The following SEC62 variants were observed in gnomAD, a reference collection of about 807,000 sequenced individuals.
The protein encoded by SEC62 is SEC62 preprotein translocation factor, also known as translocation protein SEC62.
SEC62 carries 10 observed loss-of-function variants against 47.5 expected under a neutral mutation model. The ratio of observed to expected loss-of-function variants is 0.21; its 90% CI spans 0.13 to 0.36. The LOEUF (loss-of-function observed/expected upper bound fraction) is 0.36. SEC62 is among the 10% of genes least tolerant of loss of function. SEC62 has a pLI of 1.00. For missense variants in SEC62, 327 were observed against 464.1 expected (o/e 0.70, Z 2.71); for synonymous variants, 136 against 150.5 (o/e 0.90, Z 0.71).
rs184140140 is a variant in SEC62, at chr3:169,978,075, C to T, written c.251+1024C>T. Among the ~76,000 whole-genome samples, 128 of 152,186 alleles carry T rather than the reference C, an allele frequency of 8.4e-4. 2 individuals are homozygous for T. Among genetic ancestry groups the T allele is most frequent in the Admixed American group, 6.1e-3 (93 of 15,302 alleles). On this transcript the variant is annotated intron_variant, in intron 3 of 7. Transcript: ENST00000337002. Reference sequence around the variant, plus strand: ...CAGGTGGATCACAAGGTCAGGAGATCGAGACCATTCTGGCTAACAAGGTGA... The same window carrying T: ...CAGGTGGATCACAAGGTCAGGAGATTGAGACCATTCTGGCTAACAAGGTGA...
At chr3:169,969,902 C>T (rs1439463626) in intron 1 of SEC62, among the ~76,000 whole-genome samples, 1 of 152,158 alleles carries the variant, frequency 6.6e-6, no homozygotes, top group Non-Finnish European at 1.5e-5. Context: ...TTATAACCCT[C>T]CATTAGTTAT....
At chr3:169,980,673 C>T (rs759264437) in intron 3 of SEC62, among the ~76,000 whole-genome samples, 1 of 152,018 alleles carries the variant, frequency 6.6e-6, no homozygotes, top group African/African-American at 2.4e-5. Context: ...ATCATTTTTT[C>T]CACTAAAGTA....
intron 5 of SEC62, chr3:169,983,875 G>A (rs1334660562): frequency 6.6e-6 from 1 of 152,172 alleles, no homozygotes. Context: ...GAGCAGAATA[G>A]GAGATAGCTA....
chr3:169,988,393 A>T, intron 7 of SEC62, 34 bp downstream of exon 7: 2 of 1,611,294 alleles, frequency 1.2e-6, no homozygotes, highest in Non-Finnish European at 1.7e-6. Flanking sequence ...GACCTCAAGA[A>T]GGTTGGTATT....
intron 1 of SEC62, among the ~76,000 whole-genome samples, chr3:169,970,858 C>G (rs1173723694): frequency 1.3e-5 from 2 of 152,110 alleles, no homozygotes; most frequent in Non-Finnish European, 2.9e-5. Flanking sequence ...TGTTAGAAGT[C>G]TTCTAGGAAA....
chr3:169,980,534 C>G (rs1315980329), intron 3 of SEC62, among the ~76,000 whole-genome samples: 1 of 152,150 alleles, frequency 6.6e-6, no homozygotes, highest in Non-Finnish European at 1.5e-5. Flanking sequence ...TGGGGGTGGG[C>G]AGCTGTGCAG....
chr3:169,983,197 AAG>A lies in SEC62; in HGVS notation c.495_496del (p.Lys167IlefsTer4). On this transcript the variant is annotated frameshift_variant, in exon 5 of 8. Transcript: ENST00000337002. LOFTEE classifies it high-confidence loss of function. Reference protein sequence around the residue: ...TPGTPKKKETKKKFKLEPHDD... With the variant: ...TPGTPKKKETXKKFKLEPHDD... ...AGGAACTCCTAAAAAGAAGGAAACT[AAG>A]AAAAAATTCAAACTTGAGCCACATG... 1 of 1,612,674 alleles carries A rather than the reference AAG, an allele frequency of 6.2e-7. No individual in the cohort carries two copies. The highest frequency in any genetic ancestry group is 8.5e-7 in the Non-Finnish European group (1 of 1,179,138).
Position 169,994,298 on chromosome 3 carries a change from AGT to A in SEC62, c.*1236_*1237del, listed in dbSNP as rs1160321557. ...ACTTATGAGCATAATCATTCCTTGG[AGT>A]TATACTAACTAATAATGAATATTAA... On this transcript the variant is annotated 3_prime_UTR_variant, in exon 8 of 8. Coordinates refer to ENST00000337002, the MANE Select transcript of SEC62 (RefSeq NM_003262.4). The A allele has an allele frequency of 6.6e-6, 1 of 152,636 alleles. No homozygotes were observed. Among genetic ancestry groups the A allele is most frequent in the African/African-American group, 2.4e-5 (1 of 41,450 alleles). 9.5% of individuals were successfully genotyped at this position (152,636 alleles called of 1,614,324 possible). A position where few individuals can be genotyped will look rare whatever the true frequency, so the allele number is the denominator to read the frequency against.
intron 6 of SEC62, 62 bp from the exon 7 acceptor site, chr3:169,988,178 A>T: frequency 6.4e-7 from 1 of 1,568,912 alleles, no homozygotes; most frequent in Non-Finnish European, 8.8e-7. Context: ...TGTTTCTGTT[A>T]GTGCAGCCAT....
At chr3:169,973,697 T>C (rs1267342040) in intron 1 of SEC62, among the ~76,000 whole-genome samples, 3 of 152,018 alleles carry the variant, frequency 2.0e-5, no homozygotes, top group African/African-American at 7.3e-5. Flanking sequence ...TTGTGATACG[T>C]ATTTTCATAT....
chr3:169,993,206 C>G lies in SEC62; in HGVS notation c.*143C>G, dbSNP rs574096149. The G allele has an allele frequency of 1.5e-6, 1 of 649,266 alleles. No homozygotes were observed. The highest frequency in any genetic ancestry group is 2.6e-6 in the Non-Finnish European group (1 of 381,094). The allele number at this position is 649,266 out of a possible 1,614,324, so 40.2% of individuals were successfully genotyped here. A position where few individuals can be genotyped will look rare whatever the true frequency, so the allele number is the denominator to read the frequency against. ...TATTTGACATTCAAGCAGTTATATT[C>G]GGTCCTTCATTTTATAGAATATTGG... On this transcript the variant is annotated 3_prime_UTR_variant, in exon 8 of 8. Coordinates refer to ENST00000337002, the MANE Select transcript of SEC62 (RefSeq NM_003262.4).
chr3:169,971,303 G>A (rs1714693014), intron 1 of SEC62, among the ~76,000 whole-genome samples: 1 of 151,928 alleles, frequency 6.6e-6, no homozygotes, highest in African/African-American at 2.4e-5. Flanking sequence ...TTAAACTCCT[G>A]GTCTCATGCG....
At chr3:169,976,361 C>G (rs1398970318) in intron 2 of SEC62, among the ~76,000 whole-genome samples, 3 of 150,536 alleles carry the variant, frequency 2.0e-5, no homozygotes, top group African/African-American at 7.3e-5. Flanking sequence ...GAGCAAGAAC[C>G]TGTCTCTTAG....
chr3:169,979,779 CTA>C (rs1322399485), intron 3 of SEC62, among the ~76,000 whole-genome samples: 1 of 152,124 alleles, frequency 6.6e-6, no homozygotes, highest in Non-Finnish European at 1.5e-5. Flanking sequence ...TGGCCCTTAA[CTA>C]TTTTAGAATT....
chr3:169,989,493 A>G (rs1020751391), intron 7 of SEC62, among the ~76,000 whole-genome samples: 2 of 151,114 alleles, frequency 1.3e-5, no homozygotes, highest in African/African-American at 2.4e-5. Context: ...GTTTGAATTT[A>G]GTGTCAGTGT....
At chr3:169,980,683 A>C (rs1714950987) in intron 3 of SEC62, among the ~76,000 whole-genome samples, 1 of 152,228 alleles carries the variant, frequency 6.6e-6, no homozygotes, top group South Asian at 2.1e-4. Flanking sequence ...CCACTAAAGT[A>C]AATTTAAGAA....
chr3:169,983,297 T>C (rs1452655833), intron 5 of SEC62, 44 bp downstream of exon 5: 2 of 1,363,110 alleles, frequency 1.5e-6, no homozygotes, highest in Non-Finnish European at 2.0e-6. Flanking sequence ...TCTATAGGAG[T>C]TTTTAGAAAG....
At chr3:169,970,296 T>C (rs551493728) in intron 1 of SEC62, among the ~76,000 whole-genome samples, 4 of 152,366 alleles carry the variant, frequency 2.6e-5, no homozygotes, top group Admixed American at 6.5e-5. Flanking sequence ...ATCTTATTGT[T>C]AAACTACTAT....
At position 169,996,353 on chromosome 3, in the gene SEC62, C is replaced by T. The variant is rs140591503; in HGVS notation, c.*3290C>T. On this transcript the variant is annotated 3_prime_UTR_variant, in exon 8 of 8. Transcript: ENST00000337002. ...TGTGGTAATTTGCTTTTACTGTTTC[C>T]ACAGTATTTCAGGTCTTTGCTCATT... 0.014 allele frequency: 2,137 copies of T among 152,656 alleles called. 47 individuals are homozygous for T. Among genetic ancestry groups the T allele is most frequent in the East Asian group, 0.057 (296 of 5,184 alleles). 9.5% of individuals were successfully genotyped at this position (152,656 alleles called of 1,614,324 possible).
Sources: allele counts gnomAD v4.1 joint callset (sites outside exome capture counted in the v4.1 genomes callset), GRCh38; gene constraint gnomAD v4.1.1; transcripts MANE v1.5; gene names NCBI Gene and HGNC (gene_info 2026-07-23, HGNC 2026-07-21).